Variants in GEMIN4 observed in about 807,000 individuals in gnomAD.
GEMIN4 encodes the protein gem-associated protein 4.
Under a neutral mutation model 76.8 loss-of-function variants are expected in GEMIN4, and 59 were observed. The ratio of observed to expected loss-of-function variants is 0.77; its 90% CI spans 0.62 to 0.95. The LOEUF (loss-of-function observed/expected upper bound fraction) is 0.95, where lower values mean the gene tolerates loss of function less well. Ranked by LOEUF, GEMIN4 falls within the 40% of genes least tolerant of loss-of-function variation. GEMIN4 has a pLI of 0.00. For synonymous variants in GEMIN4, 562 were observed against 559.7 expected (o/e 1.00, Z -0.06); for missense variants, 1,311 against 1,318.9 (o/e 0.99, Z 0.09).
Position 747,137 on chromosome 17 carries a change from C to G in GEMIN4, c.906G>C (p.Leu302=). The G allele has an allele frequency of 6.2e-7, 1 of 1,613,840 alleles. No homozygotes were observed. Among genetic ancestry groups the G allele is most frequent in the South Asian group, 1.1e-5 (1 of 91,082 alleles). The change falls in exon 2 of 2, where the codon CTG becomes CTC. Residue 302 remains leucine (L), a synonymous_variant. Coordinates refer to ENST00000319004, the MANE Select transcript of GEMIN4 (RefSeq NM_015721.3). ...KVKEAERDVS[L]TSLAKLPSET... ...CACTGGGGAGTTTGGCCAGCGAGGTCAGGCTGACATCCCGTTCTGCCTCCT... is the reference window on the plus strand; with the variant it reads ...CACTGGGGAGTTTGGCCAGCGAGGTGAGGCTGACATCCCGTTCTGCCTCCT...
Position 744,912 on chromosome 17 carries a change from G to A in GEMIN4, c.3131C>T (p.Pro1044Leu). 1 of 1,613,574 alleles carries A rather than the reference G, an allele frequency of 6.2e-7. No individual in the cohort carries two copies. ...CAACAGGGTTTGGCGCCGTTCTTCA[G>A]GGCCGATGCCCTCAGCAATGGACTT... is the stretch of plus-strand genomic sequence containing the variant. The part of the protein sequence containing the change: ...FLKSIAEGIG[P>L]EERRQTLLQK... The change falls in exon 2 of 2, where the codon CCT (proline) becomes CTT (leucine). Residue 1044 changes from proline (P) to leucine (L), a missense_variant. Transcript: ENST00000319004.
chr17:751,832 G>A (rs958077416), intron 1 of GEMIN4: 9 of 362,798 alleles, frequency 2.5e-5, no homozygotes, highest in African/African-American at 4.2e-5. Flanking sequence ...TGCTCGGAGG[G>A]AGCCCGTTTC....
Position 745,817 on chromosome 17 carries a change from G to T in GEMIN4, c.2226C>A (p.Ala742=). ...ILELLCEIVS[A]NAETFSPDVW... is the part of the protein sequence containing the mutation. ...CATCCGGGGAGAAGGTCTCAGCATTGGCTGATACAATCTCACACAGGAGCT... is the reference window on the plus strand; with the variant it reads ...CATCCGGGGAGAAGGTCTCAGCATTTGCTGATACAATCTCACACAGGAGCT... The change falls in exon 2 of 2, where the codon GCC becomes GCA. Residue 742 remains alanine (A), a synonymous_variant. Transcript: ENST00000319004. This position sits in a 1 kb window ranked among gnomAD's most constrained non-coding sequence, Gnocchi z 4.6. 1.2e-6 allele frequency: 2 copies of T among 1,613,094 alleles called. No individual in the cohort carries two copies. Among genetic ancestry groups the T allele is most frequent in the East Asian group, 4.5e-5 (2 of 44,866 alleles).
Position 747,398 on chromosome 17 carries a change from CAG to C in GEMIN4, c.643_644del (p.Leu215ValfsTer30), listed in dbSNP as rs1187877565. 2 of 1,613,856 alleles carry C rather than the reference CAG, an allele frequency of 1.2e-6. No individual in the cohort carries two copies. The highest frequency in any genetic ancestry group is 1.6e-4 in the Middle Eastern group (1 of 6,062). On this transcript the variant is annotated frameshift_variant, in exon 2 of 2. Transcript: ENST00000319004. LOFTEE classifies it high-confidence loss of function. ...SDPDACPTMPLLAMLLRGLTQ... is the reference protein window; with the variant it reads ...SDPDACPTMPXLAMLLRGLTQ... ...TCAGCCCGCGGAGCAGCATGGCCAA[CAG>C]GGGCATGGTGGGGCACGCGTCTGGG...
rs1904320385 is a variant in GEMIN4, at chr17:747,492, G to C, written c.551C>G (p.Ala184Gly). 1.9e-6 allele frequency: 3 copies of C among 1,613,656 alleles called. No homozygotes were observed. Among genetic ancestry groups the C allele is most frequent in the Non-Finnish European group, 2.5e-6 (3 of 1,179,792 alleles). Residue 184 changes from alanine to glycine, a missense_variant, in exon 2 of 2, where the codon GCA becomes GGA. Ala to Gly is a moderately conservative substitution (Grantham distance 60, BLOSUM62 0). Around this residue, in one of 2 missense-constraint regions of GEMIN4, gnomAD observed 1,208 missense variants for 1,166.9 expected, o/e 1.04. Transcript: ENST00000319004. Reference sequence around the variant, plus strand: ...GGCAGGCAGGTACTTATGGGCCATTGCACTAAACTGGGAGAGCAGGGGGTC... The same window carrying C: ...GGCAGGCAGGTACTTATGGGCCATTCCACTAAACTGGGAGAGCAGGGGGTC... ...PQDPLLSQFS[A>G]MAHKYLPALD...
At chr17:749,280 G>A (rs4968105) in intron 1 of GEMIN4, 19,482 of 124,218 alleles carry the variant, frequency 0.16, 2,653 homozygotes, top group Non-Finnish European at 0.22. Flanking sequence ...GCAATCACAC[G>A]GCCACAGGGT....
upstream of GEMIN4, chr17:753,522 G>C (rs1402498524): frequency 6.3e-6 from 1 of 159,112 alleles, no homozygotes; most frequent in African/African-American, 2.4e-5. Context: ...CTCGGGAATG[G>C]AAAGGGCTTC....
Position 745,448 on chromosome 17 carries a change from G to T in GEMIN4, c.2595C>A (p.Ser865Arg), listed in dbSNP as rs748810248. 4 of 1,612,440 alleles carry T rather than the reference G, an allele frequency of 2.5e-6. No individual in the cohort carries two copies. Among genetic ancestry groups the T allele is most frequent in the Non-Finnish European group, 3.4e-6 (4 of 1,179,802 alleles). ...VALVQVMPWC[S>R]PQEWQRLHQL... Reference sequence around the variant, plus strand: ...GGTGAAGGCGCTGCCACTCCTGAGGGCTGCACCAAGGCATGACTTGCACCA... The same window carrying T: ...GGTGAAGGCGCTGCCACTCCTGAGGTCTGCACCAAGGCATGACTTGCACCA... The change falls in exon 2 of 2, where the codon AGC (serine) becomes AGA (arginine). Residue 865 changes from serine to arginine, a missense_variant. Around this residue, in one of 2 missense-constraint regions of GEMIN4, gnomAD observed 1,208 missense variants for 1,166.9 expected, o/e 1.04. Coordinates refer to ENST00000319004, the MANE Select transcript of GEMIN4 (RefSeq NM_015721.3). This position sits in a 1 kb window ranked among gnomAD's most constrained non-coding sequence, Gnocchi z 4.6.
Position 747,935 on chromosome 17 carries a change from CTT to C in GEMIN4, c.106_107del (p.Lys36ValfsTer2). The part of the protein sequence containing the change: ...FHPKALAELT[K>X]SDWERVGRPI... Reference sequence around the variant, plus strand: ...GCCGTCCAACACGTTCCCAGTCAGACTTTGTTAATTCTGCCAGTGCCTTAGGG... The same window carrying C: ...GCCGTCCAACACGTTCCCAGTCAGACTGTTAATTCTGCCAGTGCCTTAGGG... On this transcript the variant is annotated frameshift_variant, in exon 2 of 2. Coordinates refer to ENST00000319004, the MANE Select transcript of GEMIN4 (RefSeq NM_015721.3). LOFTEE classifies it high-confidence loss of function. 6.2e-7 allele frequency: 1 copy of C among 1,613,740 alleles called. No homozygotes were observed. Among genetic ancestry groups the C allele is most frequent in the Non-Finnish European group, 8.5e-7 (1 of 1,179,818 alleles).
chr17:751,752 G>A, intron 1 of GEMIN4: 1 of 252,396 alleles, frequency 4.0e-6, no homozygotes. Context: ...TAAGACACTT[G>A]GAGCGTTAAG....
At chr17:751,752 G>C (rs1423991081) in intron 1 of GEMIN4, 1 of 252,278 alleles carries the variant, frequency 4.0e-6, no homozygotes, top group Non-Finnish European at 7.5e-6. Flanking sequence ...TAAGACACTT[G>C]GAGCGTTAAG....
rs1318747661 is a variant in GEMIN4, at chr17:747,763, C to T, written c.280G>A (p.Glu94Lys). The T allele has an allele frequency of 6.2e-7, 1 of 1,613,668 alleles. No homozygotes were observed. The highest frequency in any genetic ancestry group is 2.2e-5 in the East Asian group (1 of 44,864). ...TPSDTETRWQ[E>K]DLFFSVGNMI... ...TTGCCCACCGAGAAGAACAGGTCTT[C>T]CTGCCACCGTGTCTCTGTGTCGGAC... The change falls in exon 2 of 2, where the codon GAA becomes AAA. Residue 94 changes from glutamate to lysine, a missense_variant. This residue lies in a region of GEMIN4 where 103 missense variants were observed against 152.0 expected (regional missense o/e 0.68). Transcript: ENST00000319004.
At chr17:751,582 T>G (rs925212264) in intron 1 of GEMIN4, 1 of 152,384 alleles carries the variant, frequency 6.6e-6, no homozygotes, top group Non-Finnish European at 1.5e-5. Context: ...GTTCACAAAG[T>G]GATACCTCAG....
Position 746,131 on chromosome 17 carries a change from G to A in GEMIN4, c.1912C>T (p.Gln638Ter), listed in dbSNP as rs1469376705. ...AGAAGAGCAGCCACTGGAATCCCTT[G>A]GGGTTTCACGGGACTCATCAGGCAG... ...LNCLMSPVKP[Q>*]GIPVAALLEP... The change falls in exon 2 of 2, where the codon CAA becomes TAA. Residue 638 changes from glutamine to a stop codon, truncating the protein, a stop_gained. Coordinates refer to ENST00000319004, the MANE Select transcript of GEMIN4 (RefSeq NM_015721.3). LOFTEE classifies it high-confidence loss of function. The surrounding 1 kb of genome is among the most constrained non-coding windows in gnomAD (Gnocchi z 4.3). 1 of 1,613,956 alleles carries A rather than the reference G, an allele frequency of 6.2e-7. No individual in the cohort carries two copies. Among genetic ancestry groups the A allele is most frequent in the Non-Finnish European group, 8.5e-7 (1 of 1,179,882 alleles).
At position 752,113 on chromosome 17, in the gene GEMIN4, C is replaced by G; in HGVS notation, c.10+20G>C. On this transcript the variant is annotated intron_variant, in intron 1 of 1. Transcript: ENST00000319004. Reference sequence around the variant, plus strand: ...CGCATTGCTGGACGCAGCCCGGGGCCGGGGAGCCGCGGCACCCACCTAGGT... The same window carrying G: ...CGCATTGCTGGACGCAGCCCGGGGCGGGGGAGCCGCGGCACCCACCTAGGT... 1 of 1,233,378 alleles carries G rather than the reference C, an allele frequency of 8.1e-7. No individual in the cohort carries two copies. Among genetic ancestry groups the G allele is most frequent in the Non-Finnish European group, 1.0e-6 (1 of 986,796 alleles). The allele number at this position is 1,233,378 out of a possible 1,614,324, so 76.4% of individuals were successfully genotyped here. A position where few individuals can be genotyped will look rare whatever the true frequency, so the allele number is the denominator to read the frequency against.
At chr17:751,347 T>C (rs1046521720) in intron 1 of GEMIN4, among the ~76,000 whole-genome samples, 3 of 152,080 alleles carry the variant, frequency 2.0e-5, no homozygotes, top group African/African-American at 7.2e-5. Flanking sequence ...TCCAAGCCCT[T>C]AGAGCTCTGC....
Position 744,780 on chromosome 17 carries a change from A to G in GEMIN4, c.*86T>C, listed in dbSNP as rs2144135347. ...GACCCCTACAGACCTGCCATGTTGA[A>G]GCCCAGCTTTTTCGCTCCCGCACAG... On this transcript the variant is annotated 3_prime_UTR_variant, in exon 2 of 2. Transcript: ENST00000319004. 2 of 1,427,448 alleles carry G rather than the reference A, an allele frequency of 1.4e-6. No individual in the cohort carries two copies. Among genetic ancestry groups the G allele is most frequent in the Non-Finnish European group, 1.9e-6 (2 of 1,077,910 alleles). 88.4% of individuals were successfully genotyped at this position (1,427,448 alleles called of 1,614,324 possible). A position where few individuals can be genotyped will look rare whatever the true frequency, so the allele number is the denominator to read the frequency against.
Position 746,336 on chromosome 17 carries a change from C to T in GEMIN4, c.1707G>A (p.Val569=), listed in dbSNP as rs754371280. 1 of 1,613,778 alleles carries T rather than the reference C, an allele frequency of 6.2e-7. No homozygotes were observed. The highest frequency in any genetic ancestry group is 8.5e-7 in the Non-Finnish European group (1 of 1,179,878). ...GGAACTTGTGGGTGCCGAGATTGAC[C>T]ACAGCCAGGCTGCACATTTTCTTCA... ...VTVKKMCSLA[V]VNLGTHKFLA... Residue 569 remains valine, a synonymous_variant, in exon 2 of 2, where the codon GTG becomes GTA. Transcript: ENST00000319004. The surrounding 1 kb of genome is among the most constrained non-coding windows in gnomAD (Gnocchi z 4.3).
chr17:745,782 T>C lies in GEMIN4; in HGVS notation c.2261A>G (p.Lys754Arg), dbSNP rs1282582302. The C allele has an allele frequency of 6.2e-7, 1 of 1,612,240 alleles. No homozygotes were observed. Among genetic ancestry groups the C allele is most frequent in the African/African-American group, 1.3e-5 (1 of 74,892 alleles). ...CTTGCGGTGGAGCCAGGACAGGGAC[T>C]TGATCCAGACATCCGGGGAGAAGGT... Reference protein sequence around the residue: ...AETFSPDVWIKSLSWLHRKLE... With the variant: ...AETFSPDVWIRSLSWLHRKLE... Residue 754 changes from lysine (K) to arginine (R), a missense_variant, in exon 2 of 2, where the codon AAG becomes AGG. By Grantham distance (26) the Lys-to-Arg change is conservative. Around this residue, in one of 2 missense-constraint regions of GEMIN4, gnomAD observed 1,208 missense variants for 1,166.9 expected, o/e 1.04. Transcript: ENST00000319004. This position sits in a 1 kb window ranked among gnomAD's most constrained non-coding sequence, Gnocchi z 4.6.
Sources: gnomAD v4.1 joint callset for allele counts (sites outside exome capture counted in the v4.1 genomes callset) on GRCh38, gnomAD v4.1.1 for gene constraint, gnomAD v4.1.1 regional missense constraint, Gnocchi (gnomAD v3.1) non-coding constraint, MANE v1.5 for transcripts, NCBI Gene and HGNC (gene_info 2026-07-23, HGNC 2026-07-21) for gene names.